KATNIP: variants seen among roughly 807,000 people sequenced by gnomAD.
KATNIP encodes katanin-interacting protein.
A neutral mutation model predicts 174.0 loss-of-function variants in KATNIP; 126 were observed. The observed-to-expected ratio is 0.72, with a 90% CI of 0.63 to 0.84. The LOEUF (loss-of-function observed/expected upper bound fraction) is 0.84, where lower values mean the gene tolerates loss of function less well. Among genes scored for constraint, KATNIP ranks in the 40% least tolerant of loss-of-function variants. The pLI is 0.00. For missense variants in KATNIP, 1,958 were observed against 2,109.7 expected (o/e 0.93, Z 1.41); for synonymous variants, 810 against 835.7 (o/e 0.97, Z 0.53).
chr16:27,715,377 T>C (rs995361455), intron 13 of KATNIP, among the ~76,000 whole-genome samples: 5 of 152,238 alleles, frequency 3.3e-5, no homozygotes, highest in Non-Finnish European at 5.9e-5. Flanking sequence ...CTTGAATTTG[T>C]CAATGAAGTC....
intron 1 of KATNIP, among the ~76,000 whole-genome samples, chr16:27,571,530 A>C (rs2090295184): frequency 6.6e-6 from 1 of 151,876 alleles, no homozygotes; most frequent in South Asian, 2.1e-4. Context: ...TCAGGACCAG[A>C]TCCCCAGGAG....
At chr16:27,588,041 G>A (rs2090966751) in intron 2 of KATNIP, among the ~76,000 whole-genome samples, 1 of 151,292 alleles carries the variant, frequency 6.6e-6, no homozygotes, top group Non-Finnish European at 1.5e-5. Context: ...ATGGGCATAT[G>A]CCGCCATCTC....
At chr16:27,595,058 T>C (rs1441006787) in intron 2 of KATNIP, among the ~76,000 whole-genome samples, 1 of 152,126 alleles carries the variant, frequency 6.6e-6, no homozygotes. Flanking sequence ...CCTGAATAGA[T>C]GATGGCAGGA....
intron 12 of KATNIP, among the ~76,000 whole-genome samples, chr16:27,705,233 GGT>G (rs371791007): frequency 2.9e-4 from 44 of 152,154 alleles, no homozygotes; most frequent in African/African-American, 5.5e-4. Context: ...TGTGCTAAAA[GGT>G]GTGTGTCCCA....
intron 16 of KATNIP, 39 bp downstream of exon 16, chr16:27,750,345 C>T: frequency 6.4e-7 from 1 of 1,565,540 alleles, no homozygotes; most frequent in Non-Finnish European, 8.7e-7. Context: ...GAGCCCCTAT[C>T]TGTGACTTGC....
At chr16:27,705,434 G>T (rs943392715) in intron 12 of KATNIP, among the ~76,000 whole-genome samples, 1 of 152,082 alleles carries the variant, frequency 6.6e-6, no homozygotes, top group Admixed American at 6.5e-5. Flanking sequence ...TTTGAATCTG[G>T]CACCATCATT....
rs542120427 is a variant in KATNIP, at chr16:27,738,289, CAG to C, written c.1744-1751_1744-1750del. The stretch of plus-strand genomic sequence containing the variant: ...GAGCCAGGGAAGGAGGAAGGGGAGA[CAG>C]GGGTTACCAAGGGGCACGAGGAAAC... On this transcript the variant is annotated intron_variant, in intron 14 of 27. Transcript: ENST00000261588. Among the ~76,000 whole-genome samples, 47 of 152,160 alleles carry C rather than the reference CAG, an allele frequency of 3.1e-4. No individual in the cohort carries two copies. The East Asian group carries it at 6.0e-3, about 19-fold the overall frequency.
intron 13 of KATNIP, among the ~76,000 whole-genome samples, chr16:27,715,041 C>T (rs996520624): frequency 1.3e-5 from 2 of 152,196 alleles, no homozygotes; most frequent in African/African-American, 4.8e-5. Flanking sequence ...AATTTCAAAA[C>T]ATACGCCAAC....
rs111801143 is a variant in KATNIP at position 27,655,220 on chromosome 16, A to T, written c.540+6485A>T. Among the ~76,000 whole-genome samples the T allele has an allele frequency of 1.1e-3, 100 of 91,634 alleles. 2 individuals carry two copies. The highest frequency in any genetic ancestry group is 4.2e-3 in the African/African-American group (94 of 22,326). 60.1% of individuals were successfully genotyped at this position (91,634 alleles called of 152,430 possible). On this transcript the variant is annotated intron_variant, in intron 6 of 27. Coordinates refer to ENST00000261588, the MANE Select transcript of KATNIP (RefSeq NM_015202.5). ...TATATATATATATATATATATATAT[A>T]TATATATATTTTGTTTGTTTGTTTG...
Position 27,779,454 on chromosome 16 carries a change from G to A in KATNIP, c.*825G>A. 6.6e-6 allele frequency: 1 copy of A among 152,336 alleles called. No homozygotes were observed. Among genetic ancestry groups the A allele is most frequent in the South Asian group, 2.1e-4 (1 of 4,834 alleles). 9.4% of individuals were successfully genotyped at this position (152,336 alleles called of 1,614,324 possible). A position where few individuals can be genotyped will look rare whatever the true frequency, so the allele number is the denominator to read the frequency against. On this transcript the variant is annotated 3_prime_UTR_variant, in exon 28 of 28. Transcript: ENST00000261588. ...CAGAGGGCCAGAAGAACTCACCCCAGTGCCCTCTGGATGCAGGTGTTGGGG... is the reference window on the plus strand; with the variant it reads ...CAGAGGGCCAGAAGAACTCACCCCAATGCCCTCTGGATGCAGGTGTTGGGG...
intron 5 of KATNIP, among the ~76,000 whole-genome samples, chr16:27,639,024 C>T (rs2076720550): frequency 1.3e-5 from 2 of 152,048 alleles, no homozygotes; most frequent in South Asian, 4.2e-4. Context: ...AAGCCCAATC[C>T]ATTCACCGCC....
At chr16:27,647,508 A>ATT (rs564224630) in intron 5 of KATNIP, among the ~76,000 whole-genome samples, 1,542 of 140,828 alleles carry the variant, frequency 0.011, 39 homozygotes, top group East Asian at 0.094. Flanking sequence ...CACCTGGCTA[A>ATT]TTTTTTTTTT....
intron 5 of KATNIP, among the ~76,000 whole-genome samples, chr16:27,632,831 A>C (rs968215751): frequency 1.3e-5 from 2 of 151,534 alleles, no homozygotes; most frequent in Admixed American, 6.6e-5. Flanking sequence ...GCTCACTGCA[A>C]CCTCTGCCTC....
intron 14 of KATNIP, among the ~76,000 whole-genome samples, chr16:27,734,286 C>A (rs2080815294): frequency 6.6e-6 from 1 of 151,582 alleles, no homozygotes; most frequent in African/African-American, 2.4e-5. Flanking sequence ...TTTCTGGCAC[C>A]TCTGCAGAGC....
Position 27,749,976 on chromosome 16 carries a change from G to C in KATNIP, c.3016G>C (p.Val1006Leu). The change falls in exon 16 of 28, where the codon GTG becomes CTG. Residue 1006 changes from valine to leucine, a missense_variant. By Grantham distance (32) the Val-to-Leu change is conservative. This residue lies in a region of KATNIP where 1,557 missense variants were observed against 1,617.8 expected (regional missense o/e 0.96). Coordinates refer to ENST00000261588, the MANE Select transcript of KATNIP (RefSeq NM_015202.5). ...AATATTCAGTTCCAAGGGTGAACCG[G>C]TGCAGATTTCAAACATAAAAGCAGA... is the stretch of plus-strand genomic sequence containing the variant. ...IEIFSSKGEPVQISNIKADPP... is the reference protein window; with the variant it reads ...IEIFSSKGEPLQISNIKADPP... The C allele has an allele frequency of 6.2e-7, 1 of 1,614,228 alleles. No individual in the cohort carries two copies. Among genetic ancestry groups the C allele is most frequent in the Non-Finnish European group, 8.5e-7 (1 of 1,180,044 alleles).
chr16:27,701,784 T>C (rs1364177513), intron 11 of KATNIP, 89 bp downstream of exon 11: 1 of 869,736 alleles, frequency 1.1e-6, no homozygotes, highest in Non-Finnish European at 1.8e-6. Flanking sequence ...TTTTCCTACG[T>C]TTTTTTCAGA....
chr16:27,659,720 T>A (rs2077409856), intron 6 of KATNIP, among the ~76,000 whole-genome samples: 1 of 152,078 alleles, frequency 6.6e-6, no homozygotes, highest in Non-Finnish European at 1.5e-5. Flanking sequence ...TGATTAGGTA[T>A]GACTTGAAAA....
intron 5 of KATNIP, among the ~76,000 whole-genome samples, chr16:27,635,055 T>A (rs1439383955): frequency 6.6e-6 from 1 of 152,166 alleles, no homozygotes; most frequent in Non-Finnish European, 1.5e-5. Flanking sequence ...CAGATCCCGT[T>A]CTTCTGTGGG....
At chr16:27,613,690 G>A (rs1413531860) in intron 2 of KATNIP, among the ~76,000 whole-genome samples, 8 of 152,260 alleles carry the variant, frequency 5.3e-5, no homozygotes, top group Admixed American at 3.9e-4. Flanking sequence ...GGAGAATCGT[G>A]TATATGGAAA....
Sources: allele counts gnomAD v4.1 joint callset (sites outside exome capture counted in the v4.1 genomes callset), GRCh38; gene constraint gnomAD v4.1.1; regional missense constraint gnomAD v4.1.1; transcripts MANE v1.5; gene names NCBI Gene and HGNC (gene_info 2026-07-23, HGNC 2026-07-21).